Variants in MAN2A2 observed in about 807,000 individuals in gnomAD.
MAN2A2 encodes alpha-mannosidase 2x.
A neutral mutation model predicts 126.8 loss-of-function variants in MAN2A2; 79 were observed. The ratio of observed to expected loss-of-function variants is 0.62; its 90% confidence interval spans 0.52 to 0.75. The LOEUF is 0.75. MAN2A2 is among the 30% of genes least tolerant of loss of function. The probability of loss-of-function intolerance (pLI) is 0.00; values close to 1 mark genes in which losing one functional copy is unlikely to be tolerated. For missense variants in MAN2A2, 1,392 were observed against 1,522.4 expected, an observed-to-expected ratio of 0.91 and a Z score of 1.43; for synonymous variants, 671 against 618.7, an observed-to-expected ratio of 1.08 and a Z score of -1.25.
chr15:90,912,665 G>A lies in MAN2A2; in HGVS notation c.2469+1G>A. Reference sequence around the variant, plus strand: ...CTTCCTGCCCGATGGCGAGGCCAAGGTATCCTAAAGATGCCTTGAACAACC... The same window carrying A: ...CTTCCTGCCCGATGGCGAGGCCAAGATATCCTAAAGATGCCTTGAACAACC... On this transcript the variant is annotated splice_donor_variant, in intron 16 of 22. Coordinates refer to ENST00000559717, the MANE Select transcript of MAN2A2 (RefSeq NM_006122.4). LOFTEE classifies it high-confidence loss of function. The A allele has an allele frequency of 6.2e-7, 1 of 1,614,044 alleles. No individual in the cohort carries two copies. The highest frequency in any genetic ancestry group is 8.5e-7 in the Non-Finnish European group (1 of 1,180,006).
intron 17 of MAN2A2, 130 bp from the exon 18 acceptor site, chr15:90,913,143 A>G: frequency 7.7e-7 from 1 of 1,293,472 alleles, no homozygotes; most frequent in Non-Finnish European, 1.1e-6. Context: ...GTCATCCAGA[A>G]ATGCCCTGGG....
rs1269667470 is a variant in MAN2A2 at position 90,920,085 on chromosome 15, C to T, written c.*298C>T. 2.8e-6 allele frequency: 1 copy of T among 351,894 alleles called. No homozygotes were observed. The highest frequency in any genetic ancestry group is 4.1e-5 in the Admixed American group (1 of 24,100). The allele number at this position is 351,894 out of a possible 1,614,324, so 21.8% of individuals were successfully genotyped here. A position where few individuals can be genotyped will look rare whatever the true frequency, so the allele number is the denominator to read the frequency against. ...GTGGACACCCAACTGGGCACAGGCTCAGGCACCCATCCTTTTTCCAAACAG... is the reference window on the plus strand; with the variant it reads ...GTGGACACCCAACTGGGCACAGGCTTAGGCACCCATCCTTTTTCCAAACAG... On this transcript the variant is annotated 3_prime_UTR_variant, in exon 23 of 23. Coordinates refer to ENST00000559717, the MANE Select transcript of MAN2A2 (RefSeq NM_006122.4).
chr15:90,909,373 C>G lies in MAN2A2; in HGVS notation c.1243C>G (p.Arg415Gly). ...DQYRKKSQLF[R>G]SNVLLVPLGD... ...ATACCGGAAGAAGTCCCAGCTGTTC[C>G]GAAGCAACGTCCTCCTGGTGCCTCT... Residue 415 changes from arginine (R) to glycine (G), a missense_variant, in exon 9 of 23, where the codon CGA (arginine) becomes GGA (glycine). By Grantham distance (125) the Arg-to-Gly change is moderately radical (BLOSUM62 -2). Transcript: ENST00000559717. 6.2e-7 allele frequency: 1 copy of G among 1,614,026 alleles called. No individual in the cohort carries two copies. The highest frequency in any genetic ancestry group is 1.3e-5 in the African/African-American group (1 of 75,036).
At chr15:90,904,675 C>T (rs553250077) in intron 2 of MAN2A2, among the ~76,000 whole-genome samples, 67 of 151,908 alleles carry the variant, frequency 4.4e-4, no homozygotes, top group Non-Finnish European at 8.1e-4. Flanking sequence ...CTGCAACCTC[C>T]GCCTCCCAGG....
At position 90,905,713 on chromosome 15, in the gene MAN2A2, C is replaced by T. The variant is rs751746486; in HGVS notation, c.525C>T (p.His175=). 2 of 1,614,014 alleles carry T rather than the reference C, an allele frequency of 1.2e-6. No individual in the cohort carries two copies. Among genetic ancestry groups the T allele is most frequent in the South Asian group, 2.2e-5 (2 of 91,052 alleles). Residue 175 remains histidine (H), a synonymous_variant, in exon 4 of 23, where the codon CAC becomes CAT. Transcript: ENST00000559717. The part of the protein sequence containing the change: ...DLQVFVVPHS[H]NDPGWIKTFD... ...AGGTGTTTGTGGTGCCCCACTCTCA[C>T]AATGACCCAGGTGAGGGCCCTGCAG...
intron 5 of MAN2A2, 152 bp from the exon 6 acceptor site, chr15:90,906,218 G>A (rs2034270315): frequency 7.7e-7 from 1 of 1,291,856 alleles, no homozygotes; most frequent in Non-Finnish European, 1.1e-6. Flanking sequence ...GAGGTTGGCT[G>A]TAAGGAAAGG....
intron 19 of MAN2A2, among the ~76,000 whole-genome samples, chr15:90,914,633 C>G (rs978100524): frequency 6.6e-6 from 1 of 152,180 alleles, no homozygotes; most frequent in Non-Finnish European, 1.5e-5. Context: ...GATTCTCTTG[C>G]TTCAGCCTCC....
chr15:90,909,820 G>A lies in MAN2A2; in HGVS notation c.1375-270G>A, dbSNP rs545734399. On this transcript the variant is annotated intron_variant, in intron 9 of 22. Transcript: ENST00000559717. ...GGGTTTCACTGTGTTAGCCAGGGTGGTCTCGATCTCCTGACTTCGTGATCC... is the reference window on the plus strand; with the variant it reads ...GGGTTTCACTGTGTTAGCCAGGGTGATCTCGATCTCCTGACTTCGTGATCC... Among the ~76,000 whole-genome samples, 17 of 152,272 alleles carry A rather than the reference G, an allele frequency of 1.1e-4. No homozygotes were observed. The South Asian group carries it at 3.5e-3, about 32-fold the overall frequency.
At chr15:90,915,865 C>T (rs1339823114) in intron 19 of MAN2A2, 9 of 459,944 alleles carry the variant, frequency 2.0e-5, no homozygotes, top group African/African-American at 3.9e-5. Context: ...AGTCCCAGAG[C>T]GTGGGGGGTA....
chr15:90,908,966 T>G (rs1051315609), intron 8 of MAN2A2, among the ~76,000 whole-genome samples: 1 of 152,218 alleles, frequency 6.6e-6, no homozygotes, highest in Non-Finnish European at 1.5e-5. Context: ...GAGAGGTTAC[T>G]TGCCCACAGT....
intron 19 of MAN2A2, among the ~76,000 whole-genome samples, chr15:90,915,062 T>C (rs1160471866): frequency 1.3e-5 from 2 of 152,214 alleles, no homozygotes; most frequent in African/African-American, 4.8e-5. Context: ...TTCGGGGGCC[T>C]GACTCCCTGC....
intron 7 of MAN2A2, 35 bp from the exon 8 acceptor site, chr15:90,907,274 C>G (rs752035031): frequency 1.9e-5 from 31 of 1,599,442 alleles, no homozygotes; most frequent in Middle Eastern, 3.3e-4. Flanking sequence ...CAGAGGCTGC[C>G]TGCTGGTGGT....
At chr15:90,915,907 C>T (rs774228327) in intron 19 of MAN2A2, 40 of 523,874 alleles carry the variant, frequency 7.6e-5, no homozygotes, top group Non-Finnish European at 1.1e-4. Flanking sequence ...CCTTTCTGGA[C>T]CTCATGCTTC....
intron 5 of MAN2A2, 144 bp from the exon 6 acceptor site, chr15:90,906,226 A>G (rs1313116158): frequency 1.5e-6 from 2 of 1,305,668 alleles, no homozygotes; most frequent in Non-Finnish European, 2.1e-6. Context: ...CTGTAAGGAA[A>G]GGAGGGCAAG....
intron 19 of MAN2A2, among the ~76,000 whole-genome samples, chr15:90,914,848 C>T (rs372095049): frequency 6.6e-6 from 1 of 152,182 alleles, no homozygotes; most frequent in Non-Finnish European, 1.5e-5. Context: ...TCAAGACGGG[C>T]ATGGGGAGCA....
intron 20 of MAN2A2, chr15:90,916,539 C>A: frequency 8.5e-6 from 12 of 1,412,616 alleles, no homozygotes; most frequent in Non-Finnish European, 1.1e-5. Flanking sequence ...ATTCTCTAAG[C>A]CTGTGCTCCA....
chr15:90,905,953 A>G lies in MAN2A2; in HGVS notation c.644A>G (p.Glu215Gly). 6.2e-7 allele frequency: 1 copy of G among 1,613,960 alleles called. No individual in the cohort carries two copies. Among genetic ancestry groups the G allele is most frequent in the Non-Finnish European group, 8.5e-7 (1 of 1,179,940 alleles). ...CCCCGGCGGCGCTTCCTCTGGGCAG[A>G]GGTCTCCTTCTTCGCCAAGTGGTGG... ...EDPRRRFLWA[E>G]VSFFAKWWDN... The change falls in exon 5 of 23, where the codon GAG (glutamate) becomes GGG (glycine). Residue 215 changes from glutamate (E) to glycine (G), a missense_variant. Glu to Gly is a moderately conservative substitution (Grantham distance 98). Transcript: ENST00000559717.
chr15:90,910,100 G>T lies in MAN2A2; in HGVS notation c.1385G>T (p.Gly462Val). The T allele has an allele frequency of 6.2e-7, 1 of 1,611,722 alleles. No individual in the cohort carries two copies. Among genetic ancestry groups the T allele is most frequent in the East Asian group, 2.2e-5 (1 of 44,838 alleles). ...RPNLHVQAQF[G>V]TLSDYFDALY... ...TTGGGGTTCCCACAGGCCCAGTTTGGCACTCTTTCTGACTATTTTGATGCC... is the reference window on the plus strand; with the variant it reads ...TTGGGGTTCCCACAGGCCCAGTTTGTCACTCTTTCTGACTATTTTGATGCC... The change falls in exon 10 of 23, where the codon GGC becomes GTC. Residue 462 changes from glycine (G) to valine (V), a missense_variant. Transcript: ENST00000559717.
chr15:90,914,115 G>T (rs189337647), intron 19 of MAN2A2, among the ~76,000 whole-genome samples: 1 of 152,248 alleles, frequency 6.6e-6, no homozygotes, highest in African/African-American at 2.4e-5. Context: ...CAAGGCAGAA[G>T]GCCAGGAGTT....
Sources: allele counts gnomAD v4.1 joint callset (sites outside exome capture counted in the v4.1 genomes callset), GRCh38; gene constraint gnomAD v4.1.1; transcripts MANE v1.5; gene names NCBI Gene and HGNC (gene_info 2026-07-23, HGNC 2026-07-21).